Variants in PACRG observed in about 807,000 individuals in gnomAD.
PACRG encodes parkin coregulated gene protein.
Under a neutral mutation model 29.7 loss-of-function variants are expected in PACRG, and 29 were observed. That is an observed-to-expected ratio of 0.98 (90% confidence interval 0.73 to 1.33). PACRG has a LOEUF of 1.33. PACRG is among the 40% of genes most tolerant of loss of function. The probability of loss-of-function intolerance (pLI) is 0.00; values close to 1 mark genes in which losing one functional copy is unlikely to be tolerated. For missense variants in PACRG, 279 were observed against 316.2 expected, an observed-to-expected ratio of 0.88 and a Z score of 0.89; for synonymous variants, 116 against 118.7, an observed-to-expected ratio of 0.98 and a Z score of 0.15.
chr6:162,749,178 T>G (rs1229467762), intron 1 of PACRG, among the ~76,000 whole-genome samples: 1 of 152,238 alleles, frequency 6.6e-6, no homozygotes, highest in Non-Finnish European at 1.5e-5. Context: ...TGCTGTTGAC[T>G]TGGGTGGTGT....
At chr6:163,097,025 G>C (rs1393300059) in intron 4 of PACRG, among the ~76,000 whole-genome samples, 2 of 152,138 alleles carry the variant, frequency 1.3e-5, no homozygotes, top group Non-Finnish European at 2.9e-5. Flanking sequence ...TTCCCCCGAA[G>C]ACAGTTTAGT....
At chr6:162,813,824 C>T (rs1260369253) in intron 1 of PACRG, among the ~76,000 whole-genome samples, 5 of 152,050 alleles carry the variant, frequency 3.3e-5, no homozygotes, top group South Asian at 2.1e-4. Context: ...ACATTCTAAG[C>T]GTAAGACACC....
intron 3 of PACRG, among the ~76,000 whole-genome samples, chr6:163,065,538 A>G (rs1024819879): frequency 1.3e-5 from 2 of 152,202 alleles, no homozygotes; most frequent in African/African-American, 4.8e-5. Context: ...AATAAAAGTG[A>G]GAACAGTAGC....
At chr6:163,225,217 G>A (rs1052990400) in intron 4 of PACRG, among the ~76,000 whole-genome samples, 2 of 152,264 alleles carry the variant, frequency 1.3e-5, no homozygotes, top group South Asian at 4.2e-4. Flanking sequence ...GTTTGGCTGT[G>A]TCCCCACCCA....
At chr6:162,984,623 A>G (rs977673054) in intron 2 of PACRG, among the ~76,000 whole-genome samples, 1 of 151,946 alleles carries the variant, frequency 6.6e-6, no homozygotes, top group Admixed American at 6.6e-5. Flanking sequence ...GTACTAGTTT[A>G]CATTCCCATC....
At chr6:163,076,483 C>G (rs1043401330) in intron 3 of PACRG, among the ~76,000 whole-genome samples, 1 of 152,200 alleles carries the variant, frequency 6.6e-6, no homozygotes, top group African/African-American at 2.4e-5. Context: ...AGGGAAAAAG[C>G]TTTCAACTCA....
intron 4 of PACRG, among the ~76,000 whole-genome samples, chr6:163,108,857 C>G (rs1170817218): frequency 6.6e-6 from 1 of 152,160 alleles, no homozygotes; most frequent in Non-Finnish European, 1.5e-5. Context: ...CTGCCTTGTA[C>G]CTGATCTTTA....
At chr6:162,909,532 G>T (rs1355379044) in intron 2 of PACRG, among the ~76,000 whole-genome samples, 9 of 136,718 alleles carry the variant, frequency 6.6e-5, no homozygotes, top group Non-Finnish European at 1.2e-4. Context: ...TCCAGCCTGG[G>T]TGACAGAGCG....
intron 2 of PACRG, among the ~76,000 whole-genome samples, chr6:162,952,933 A>G (rs1464489229): frequency 8.5e-5 from 13 of 152,226 alleles, no homozygotes; most frequent in Non-Finnish European, 4.4e-5. Flanking sequence ...TTCTTGCTAA[A>G]TAATTTGTCT....
intron 3 of PACRG, among the ~76,000 whole-genome samples, chr6:163,077,299 G>T (rs1221139829): frequency 6.6e-6 from 1 of 152,102 alleles, no homozygotes; most frequent in African/African-American, 2.4e-5. Context: ...GGTGACCCTG[G>T]TTGCCAAAGA....
intron 1 of PACRG, among the ~76,000 whole-genome samples, chr6:162,733,554 G>A (rs1013701730): frequency 5.3e-5 from 8 of 152,048 alleles, no homozygotes; most frequent in African/African-American, 1.4e-4. Context: ...TGAGAAGGCC[G>A]AATCATGGCA....
intron 1 of PACRG, among the ~76,000 whole-genome samples, chr6:162,753,714 A>G (rs1781688807): frequency 6.6e-6 from 1 of 152,060 alleles, no homozygotes; most frequent in South Asian, 2.1e-4. Flanking sequence ...ATGGCTTAAA[A>G]GTGTGTAGCT....
chr6:162,825,511 A>C (rs1788200675), intron 2 of PACRG, among the ~76,000 whole-genome samples: 1 of 152,126 alleles, frequency 6.6e-6, no homozygotes, highest in Admixed American at 6.5e-5. Context: ...AATTTGTTGA[A>C]ATTTTTTCAA....
chr6:163,179,844 C>T (rs185836209), intron 4 of PACRG, among the ~76,000 whole-genome samples: 6 of 152,336 alleles, frequency 3.9e-5, no homozygotes, highest in East Asian at 3.9e-4. Context: ...CATTCTCCCC[C>T]GTTCACTTAC....
chr6:163,290,064 T>C (rs1424508317), intron 4 of PACRG, among the ~76,000 whole-genome samples: 1 of 152,076 alleles, frequency 6.6e-6, no homozygotes, highest in East Asian at 1.9e-4. Context: ...ATGACCACGT[T>C]AGTCAGTCTG....
At chr6:162,757,708 A>AAAAT (rs966956859) in intron 1 of PACRG, among the ~76,000 whole-genome samples, 6 of 152,128 alleles carry the variant, frequency 3.9e-5, no homozygotes, top group African/African-American at 9.7e-5. Context: ...CTCTGTCTAA[A>AAAAT]AAATAAATAA....
chr6:163,210,389 A>G (rs1436121427), intron 4 of PACRG, among the ~76,000 whole-genome samples: 6 of 152,236 alleles, frequency 3.9e-5, no homozygotes, highest in Admixed American at 6.5e-5. Flanking sequence ...AGTGTTGAAC[A>G]TGAGGACAAA....
intron 2 of PACRG, among the ~76,000 whole-genome samples, chr6:162,932,523 C>G (rs1168347186): frequency 6.6e-6 from 1 of 151,864 alleles, no homozygotes; most frequent in Non-Finnish European, 1.5e-5. Flanking sequence ...TGGGCTTTTC[C>G]TTGATAGGAG....
intron 4 of PACRG, among the ~76,000 whole-genome samples, chr6:163,178,616 C>T (rs994774611): frequency 6.6e-6 from 1 of 152,190 alleles, no homozygotes; most frequent in Non-Finnish European, 1.5e-5. Flanking sequence ...AAATTAAACA[C>T]CTGTCTTACC....
Sources: allele counts gnomAD v4.1 joint callset (sites outside exome capture counted in the v4.1 genomes callset), GRCh38; gene constraint gnomAD v4.1.1; transcripts MANE v1.5; gene names NCBI Gene and HGNC (gene_info 2026-07-23, HGNC 2026-07-21).